Variants in PELI2 observed in about 807,000 individuals in gnomAD.
The protein encoded by PELI2 is E3 ubiquitin-protein ligase pellino homolog 2.
PELI2 carries 23 observed loss-of-function variants against 42.3 expected under a neutral mutation model. The observed-to-expected ratio is 0.54, with a 90% confidence interval of 0.39 to 0.77. The LOEUF (loss-of-function observed/expected upper bound fraction) is 0.77. Ranked by LOEUF, PELI2 falls within the 30% of genes least tolerant of loss-of-function variation. PELI2 has a pLI of 0.00. For synonymous variants in PELI2, 245 were observed against 212.2 expected (o/e 1.15, Z -1.34); for missense variants, 463 against 553.2 (o/e 0.84, Z 1.64).
intron 2 of PELI2, among the ~76,000 whole-genome samples, chr14:56,241,113 G>A (rs967564286): frequency 2.6e-5 from 4 of 151,878 alleles, no homozygotes; most frequent in African/African-American, 9.7e-5. Context: ...ATTCTTCTCT[G>A]AGGAAATCAA....
At chr14:56,278,424 T>A (rs1207521233) in intron 2 of PELI2, among the ~76,000 whole-genome samples, 1 of 152,196 alleles carries the variant, frequency 6.6e-6, no homozygotes, top group African/African-American at 2.4e-5. Context: ...TCAAAAACAG[T>A]CACTCTCAGT....
chr14:56,149,181 T>G (rs1365926583), intron 1 of PELI2, among the ~76,000 whole-genome samples: 3 of 152,218 alleles, frequency 2.0e-5, no homozygotes, highest in Non-Finnish European at 2.9e-5. Context: ...AGATAAAACA[T>G]TCTAACCAGG....
At chr14:56,165,083 C>T (rs1485981387) in intron 1 of PELI2, among the ~76,000 whole-genome samples, 7 of 56,054 alleles carry the variant, frequency 1.2e-4, no homozygotes, top group Non-Finnish European at 1.0e-4. Context: ...GTTTGGTTTG[C>T]TCTTGCTTTT....
At chr14:56,120,768 A>G (rs1160154117) in intron 1 of PELI2, among the ~76,000 whole-genome samples, 1 of 152,178 alleles carries the variant, frequency 6.6e-6, no homozygotes, top group Non-Finnish European at 1.5e-5. Flanking sequence ...TCTGAAGAGG[A>G]GTTGATAAAC....
intron 2 of PELI2, among the ~76,000 whole-genome samples, chr14:56,256,511 G>A (rs1459053499): frequency 6.6e-6 from 1 of 151,948 alleles, no homozygotes; most frequent in Non-Finnish European, 1.5e-5. Flanking sequence ...AATGTAAGAA[G>A]CCAGGTGTGA....
At chr14:56,244,646 A>G (rs1426251781) in intron 2 of PELI2, among the ~76,000 whole-genome samples, 3 of 152,198 alleles carry the variant, frequency 2.0e-5, no homozygotes, top group Non-Finnish European at 4.4e-5. Context: ...GCAGGATGAA[A>G]ACTCCATCAC....
chr14:56,244,198 T>C (rs929852848), intron 2 of PELI2, among the ~76,000 whole-genome samples: 1 of 152,164 alleles, frequency 6.6e-6, no homozygotes. Context: ...CAAAAGTAGA[T>C]TTGCTGAGAA....
At chr14:56,279,556 T>A in intron 2 of PELI2, 120 bp from the exon 3 acceptor site, 1 of 520,712 alleles carries the variant, frequency 1.9e-6, no homozygotes, top group East Asian at 3.1e-5. Flanking sequence ...AACCTGACTG[T>A]GTGGAAAATG....
At chr14:56,272,219 T>C (rs758651592) in intron 2 of PELI2, among the ~76,000 whole-genome samples, 7 of 152,222 alleles carry the variant, frequency 4.6e-5, no homozygotes, top group Non-Finnish European at 8.8e-5. Context: ...CCGGGATGTC[T>C]AGACAAGAGG....
chr14:56,207,848 T>G (rs754009687), intron 2 of PELI2, among the ~76,000 whole-genome samples: 29 of 152,196 alleles, frequency 1.9e-4, no homozygotes, highest in Non-Finnish European at 4.0e-4. Flanking sequence ...GGTACCTCAT[T>G]ATCTTTGGCT....
At chr14:56,147,207 A>G (rs188627017) in intron 1 of PELI2, among the ~76,000 whole-genome samples, 1 of 152,212 alleles carries the variant, frequency 6.6e-6, no homozygotes, top group Non-Finnish European at 1.5e-5. Flanking sequence ...TGATCAGTTA[A>G]TGGACAGTTG....
Position 56,279,683 on chromosome 14 carries a change from G to A in PELI2, c.215G>A (p.Ser72Asn). The A allele has an allele frequency of 3.2e-6, 5 of 1,564,828 alleles. No individual in the cohort carries two copies. Among genetic ancestry groups the A allele is most frequent in the Non-Finnish European group, 4.4e-6 (5 of 1,142,016 alleles). Reference sequence around the variant, plus strand: ...TTAAAATTTTATTATTAGGCTATCAGCTGCAAAGGTCAACACAGTATATCC... The same window carrying A: ...TTAAAATTTTATTATTAGGCTATCAACTGCAAAGGTCAACACAGTATATCC... ...ISTPQASKAI[S>N]CKGQHSISYT... The change falls in exon 3 of 6, where the codon AGC becomes AAC. Residue 72 changes from serine to asparagine, a missense_variant. Around this residue, in one of 3 missense-constraint regions of PELI2, gnomAD observed 343 missense variants for 378.4 expected, o/e 0.91. Transcript: ENST00000267460.
chr14:56,259,071 C>T (rs761141098), intron 2 of PELI2, among the ~76,000 whole-genome samples: 13 of 152,016 alleles, frequency 8.6e-5, no homozygotes, highest in East Asian at 1.9e-4. Context: ...CTAAAGGGGA[C>T]GGACAGAAGT....
intron 2 of PELI2, among the ~76,000 whole-genome samples, chr14:56,183,498 A>G (rs1885663494): frequency 6.6e-6 from 1 of 152,186 alleles, no homozygotes; most frequent in African/African-American, 2.4e-5. Flanking sequence ...ATTTTCTGAC[A>G]TTAAGTATTT....
intron 1 of PELI2, among the ~76,000 whole-genome samples, chr14:56,131,211 T>C (rs1883470210): frequency 6.6e-6 from 1 of 152,198 alleles, no homozygotes; most frequent in Non-Finnish European, 1.5e-5. Flanking sequence ...AAAGTGCCTT[T>C]TATTTGCTTA....
chr14:56,133,493 C>CTA (rs1190991955), intron 1 of PELI2, among the ~76,000 whole-genome samples: 1 of 152,168 alleles, frequency 6.6e-6, no homozygotes. Context: ...GAAAATAAGT[C>CTA]TATTAGGTAC....
At position 56,189,942 on chromosome 14, in the gene PELI2, A is replaced by ATTT. The variant is rs1412258083; in HGVS notation, c.207+11480_207+11481insTTT. ...TCGTCACAGGAGAATGTACTTACCA[A>ATTT]TTACAACATTTTGATAAGGCATTCT... On this transcript the variant is annotated intron_variant, in intron 2 of 5. Transcript: ENST00000267460. Among the ~76,000 whole-genome samples, 12 of 152,226 alleles carry ATTT rather than the reference A, an allele frequency of 7.9e-5. No individual in the cohort carries two copies. The South Asian group carries it at 8.3e-4, about 10-fold the overall frequency.
In PELI2 at chr14:56,197,194, A is replaced by G. The variant is rs1464071740; in HGVS notation, c.207+18730A>G. On this transcript the variant is annotated intron_variant, in intron 2 of 5. Coordinates refer to ENST00000267460, the MANE Select transcript of PELI2 (RefSeq NM_021255.3). This position sits in a 1 kb window ranked among gnomAD's most constrained non-coding sequence, Gnocchi z 4.9. The stretch of plus-strand genomic sequence containing the variant: ...AATAAGAAATCAAACAAATAAATAT[A>G]TAATATTCATTGGTGCTCAGCACTG... 6.6e-6 allele frequency among the ~76,000 whole-genome samples: 1 copy of G among 152,234 alleles called. No homozygotes were observed. Among genetic ancestry groups the G allele is most frequent in the Non-Finnish European group, 1.5e-5 (1 of 68,044 alleles).
At chr14:56,279,812 C>A in intron 3 of PELI2, 35 bp downstream of exon 3, 1 of 1,102,874 alleles carries the variant, frequency 9.1e-7, no homozygotes, top group Non-Finnish European at 1.4e-6. Flanking sequence ...AATTTTAGCA[C>A]GTTTTCCTTT....
Sources: allele counts gnomAD v4.1 joint callset (sites outside exome capture counted in the v4.1 genomes callset), GRCh38; gene constraint gnomAD v4.1.1; regional missense constraint gnomAD v4.1.1; non-coding constraint Gnocchi (gnomAD v3.1); transcripts MANE v1.5; gene names NCBI Gene and HGNC (gene_info 2026-07-23, HGNC 2026-07-21).